The following PAK5 variants were observed in gnomAD, a reference collection of about 807,000 sequenced individuals.
The protein encoded by PAK5 is serine/threonine-protein kinase PAK 5.
PAK5 carries 16 observed loss-of-function variants against 65.9 expected under a neutral mutation model. The ratio of observed to expected loss-of-function variants is 0.24; its 90% confidence interval spans 0.16 to 0.37. The LOEUF (loss-of-function observed/expected upper bound fraction) is 0.37. Among genes scored for constraint, PAK5 ranks in the 10% least tolerant of loss-of-function variants. The pLI, the probability that PAK5 is intolerant of heterozygous loss-of-function variation, is 1.00. For synonymous variants in PAK5, 371 were observed against 354.9 expected (o/e 1.05, Z -0.51); for missense variants, 785 against 903.9 (o/e 0.87, Z 1.69).
intron 3 of PAK5, 60 bp downstream of exon 3, chr20:9,644,065 C>A: frequency 8.1e-7 from 1 of 1,230,604 alleles, no homozygotes; most frequent in Non-Finnish European, 1.2e-6. Flanking sequence ...AAAGCTGATG[C>A]AGTGCATTAA....
At chr20:9,603,720 C>T (rs1035658936) in intron 3 of PAK5, among the ~76,000 whole-genome samples, 2 of 152,168 alleles carry the variant, frequency 1.3e-5, no homozygotes, top group Non-Finnish European at 2.9e-5. Context: ...TGCTGCTATA[C>T]ACACCCTTTG....
intron 7 of PAK5, 120 bp downstream of exon 7, chr20:9,557,488 A>G (rs758101799): frequency 9.6e-6 from 7 of 732,340 alleles, no homozygotes; most frequent in Non-Finnish European, 1.5e-5. Context: ...TGGGAAGAGA[A>G]GTAGGTGACT....
chr20:9,610,483 C>A (rs1399245929), intron 3 of PAK5, among the ~76,000 whole-genome samples: 1 of 152,164 alleles, frequency 6.6e-6, no homozygotes, highest in Non-Finnish European at 1.5e-5. Context: ...GTGCAGTGTG[C>A]TTGCAGCATT....
intron 1 of PAK5, among the ~76,000 whole-genome samples, chr20:9,745,713 A>T (rs1422818698): frequency 6.6e-6 from 1 of 152,122 alleles, no homozygotes; most frequent in Non-Finnish European, 1.5e-5. Context: ...GCATTTTAAC[A>T]TGCTTTTGGT....
intron 2 of PAK5, among the ~76,000 whole-genome samples, chr20:9,670,748 C>T (rs1356375469): frequency 6.6e-6 from 1 of 152,176 alleles, no homozygotes; most frequent in Non-Finnish European, 1.5e-5. Flanking sequence ...ATGGTAGTTT[C>T]TTTCACTGTG....
intron 2 of PAK5, among the ~76,000 whole-genome samples, chr20:9,673,401 T>C (rs1488918401): frequency 6.6e-6 from 1 of 152,210 alleles, no homozygotes; most frequent in African/African-American, 2.4e-5. Flanking sequence ...TATCTGTCAA[T>C]AGAGTAGCCG....
intron 2 of PAK5, among the ~76,000 whole-genome samples, chr20:9,671,064 G>A (rs2047489893): frequency 6.6e-6 from 1 of 152,158 alleles, no homozygotes; most frequent in Non-Finnish European, 1.5e-5. Context: ...TGTCAGGTTT[G>A]TCGAAGATCA....
At chr20:9,721,531 T>G (rs2048212990) in intron 1 of PAK5, among the ~76,000 whole-genome samples, 1 of 151,676 alleles carries the variant, frequency 6.6e-6, no homozygotes, top group Non-Finnish European at 1.5e-5. Context: ...CTCGCACCTG[T>G]AATCTCAGCT....
At chr20:9,712,165 CAACAT>C (rs1036229530) in intron 1 of PAK5, among the ~76,000 whole-genome samples, 7 of 152,018 alleles carry the variant, frequency 4.6e-5, no homozygotes, top group African/African-American at 1.4e-4. Context: ...ATGGAAACAC[CAACAT>C]TAAGCACAAA....
chr20:9,758,014 T>C (rs2048655638), intron 1 of PAK5, among the ~76,000 whole-genome samples: 1 of 152,184 alleles, frequency 6.6e-6, no homozygotes, highest in African/African-American at 2.4e-5. Flanking sequence ...AATAACAGGA[T>C]TCTTTGCAGA....
At chr20:9,540,726 A>G (rs1038574373) in intron 9 of PAK5, among the ~76,000 whole-genome samples, 1 of 145,434 alleles carries the variant, frequency 6.9e-6, no homozygotes, top group Non-Finnish European at 1.5e-5. Context: ...CATATGATAC[A>G]TTTTTAGTCA....
In PAK5 at chr20:9,824,989, T is replaced by C. The variant is rs372956522; in HGVS notation, c.-162+13773A>G. Among the ~76,000 whole-genome samples the C allele has an allele frequency of 1.5e-4, 23 of 152,348 alleles. No homozygotes were observed. In the East Asian group the frequency reaches 4.4e-3, roughly 29 times the overall value. Reference sequence around the variant, plus strand: ...AATGTTCATTGTAACATCTGTTTCCTATTTTTTAATCTAGTCTTTACAGGA... The same window carrying C: ...AATGTTCATTGTAACATCTGTTTCCCATTTTTTAATCTAGTCTTTACAGGA... On this transcript the variant is annotated intron_variant, in intron 1 of 9. Transcript: ENST00000353224.
chr20:9,634,139 G>C (rs980489493), intron 3 of PAK5, among the ~76,000 whole-genome samples: 17 of 152,232 alleles, frequency 1.1e-4, no homozygotes, highest in Admixed American at 1.0e-3. Context: ...GGGACCCTAG[G>C]AGCAGTCTTC....
Position 9,566,343 on chromosome 20 carries a change from C to G in PAK5, c.1032G>C (p.Leu344=), listed in dbSNP as rs1184017164. The change falls in exon 5 of 10, where the codon CTG becomes CTC. Residue 344 remains leucine (L), a synonymous_variant. Coordinates refer to ENST00000353224, the MANE Select transcript of PAK5 (RefSeq NM_177990.4). Reference sequence around the variant, plus strand: ...CCCTGGGGTAGGTGTCAGACCCTGACAGTGGAGGGCTGAGGACCATCTGTG... The same window carrying G: ...CCCTGGGGTAGGTGTCAGACCCTGAGAGTGGAGGGCTGAGGACCATCTGTG... ...DRAQMVLSPP[L]SGSDTYPRGP... is the part of the protein sequence containing the mutation. 1.2e-6 allele frequency: 2 copies of G among 1,613,596 alleles called. No individual in the cohort carries two copies. Among genetic ancestry groups the G allele is most frequent in the East Asian group, 2.2e-5 (1 of 44,868 alleles).
chr20:9,727,735 T>G (rs1356739460), intron 1 of PAK5, among the ~76,000 whole-genome samples: 1 of 152,188 alleles, frequency 6.6e-6, no homozygotes, highest in East Asian at 1.9e-4. Flanking sequence ...AATGCAAAAC[T>G]CTTGCATATA....
Position 9,542,702 on chromosome 20 carries a change from C to T in PAK5, c.1888G>A (p.Gly630Arg), listed in dbSNP as rs2045285885. Reference protein sequence around the residue: ...YGTEVDIWSLGIMVIEMIDGE... With the variant: ...YGTEVDIWSLRIMVIEMIDGE... Reference sequence around the variant, plus strand: ...TCAATCATTTCTATCACCATGATCCCGAGGGACCAGATGTCCACCTGTTAG... The same window carrying T: ...TCAATCATTTCTATCACCATGATCCTGAGGGACCAGATGTCCACCTGTTAG... The change falls in exon 9 of 10, where the codon GGG (glycine) becomes AGG (arginine). Residue 630 changes from glycine (G) to arginine (R), a missense_variant. Transcript: ENST00000353224. 7 of 1,614,030 alleles carry T rather than the reference C, an allele frequency of 4.3e-6. No homozygotes were observed. Among genetic ancestry groups the T allele is most frequent in the Non-Finnish European group, 5.9e-6 (7 of 1,179,954 alleles).
intron 1 of PAK5, among the ~76,000 whole-genome samples, chr20:9,768,508 C>A (rs6133747): frequency 6.6e-6 from 1 of 151,944 alleles, no homozygotes; most frequent in Non-Finnish European, 1.5e-5. Flanking sequence ...AGGGGCCAGG[C>A]GCGGTGGCTC....
At chr20:9,623,116 G>A (rs1017249352) in intron 3 of PAK5, among the ~76,000 whole-genome samples, 7 of 152,190 alleles carry the variant, frequency 4.6e-5, no homozygotes, top group African/African-American at 1.7e-4. Context: ...GTCACAAGGA[G>A]TGGAGAAAGG....
intron 2 of PAK5, among the ~76,000 whole-genome samples, chr20:9,689,190 C>T (rs1376245082): frequency 3.3e-5 from 5 of 152,206 alleles, no homozygotes; most frequent in African/African-American, 1.2e-4. Context: ...GGTGTCACTG[C>T]TCTGCAAACT....
Sources: allele counts gnomAD v4.1 joint callset (sites outside exome capture counted in the v4.1 genomes callset), GRCh38; gene constraint gnomAD v4.1.1; transcripts MANE v1.5; gene names NCBI Gene and HGNC (gene_info 2026-07-23, HGNC 2026-07-21).